AGBL1: variants seen among roughly 807,000 people sequenced by gnomAD.
The protein encoded by AGBL1 is cytosolic carboxypeptidase 4.
Under a neutral mutation model 118.9 loss-of-function variants are expected in AGBL1, and 130 were observed. The observed-to-expected ratio is 1.09, with a 90% CI of 0.95 to 1.26. The LOEUF (loss-of-function observed/expected upper bound fraction) is 1.26, where lower values mean the gene tolerates loss of function less well. Among genes scored for constraint, AGBL1 ranks in the 50% most tolerant of loss-of-function variants. The pLI is 0.00. For missense variants in AGBL1, 1,584 were observed against 1,298.1 expected, an observed-to-expected ratio of 1.22 and a Z score of -3.38; for synonymous variants, 555 against 478.9, an observed-to-expected ratio of 1.16 and a Z score of -2.08.
chr15:86,518,207 C>T (rs1476874127), intron 18 of AGBL1, among the ~76,000 whole-genome samples: 6 of 151,930 alleles, frequency 3.9e-5, no homozygotes, highest in African/African-American at 1.5e-4. Context: ...TCTGTCTCTG[C>T]TTGTGGTCCT....
At chr15:86,541,505 T>C in intron 19 of AGBL1, among the ~76,000 whole-genome samples, 1 of 145,762 alleles carries the variant, frequency 6.9e-6, no homozygotes, top group South Asian at 2.1e-4. Context: ...GGCAGGAAGA[T>C]AACCTGAGCC....
At chr15:86,634,447 C>G (rs1053998651) in intron 21 of AGBL1, among the ~76,000 whole-genome samples, 2 of 152,018 alleles carry the variant, frequency 1.3e-5, no homozygotes, top group Non-Finnish European at 2.9e-5. Flanking sequence ...GTGAAAGAAG[C>G]CCATCATGAA....
At chr15:86,121,896 T>C (rs761305351) in intron 1 of AGBL1, among the ~76,000 whole-genome samples, 5 of 152,154 alleles carry the variant, frequency 3.3e-5, no homozygotes, top group East Asian at 1.9e-4. Flanking sequence ...AAATTAGTTA[T>C]AAGATAAAAT....
At chr15:86,897,764 CT>C (rs71460231) in intron 22 of AGBL1, among the ~76,000 whole-genome samples, 5,829 of 80,494 alleles carry the variant, frequency 0.072, 34 homozygotes, top group East Asian at 0.18. Flanking sequence ...CATCTTTTAT[CT>C]TTTTTTTTTT....
At chr15:86,674,536 A>G (rs1366761433) in intron 22 of AGBL1, 100 bp downstream of exon 22, 11 of 1,223,770 alleles carry the variant, frequency 9.0e-6, no homozygotes, top group Middle Eastern at 2.9e-4. Context: ...GTCTTTACAC[A>G]GAGAAAATAT....
chr15:86,853,582 C>T (rs576648811), intron 22 of AGBL1, among the ~76,000 whole-genome samples: 19 of 152,262 alleles, frequency 1.2e-4, no homozygotes, highest in East Asian at 9.7e-4. Context: ...CACCAAAGCC[C>T]GGGCTCTACT....
chr15:86,080,227 T>C, intron 1 of AGBL1: 1 of 394,556 alleles, frequency 2.5e-6, no homozygotes, highest in Non-Finnish European at 4.4e-6. Flanking sequence ...TGTTGATGAT[T>C]GTTCTGCTTA....
intron 15 of AGBL1, among the ~76,000 whole-genome samples, chr15:86,271,931 A>C (rs1019494974): frequency 1.3e-5 from 2 of 152,248 alleles, no homozygotes; most frequent in Non-Finnish European, 2.9e-5. Flanking sequence ...GAAAGAGTTT[A>C]TCTTCATTTA....
At chr15:86,845,112 T>C (rs900900161) in intron 22 of AGBL1, among the ~76,000 whole-genome samples, 1 of 152,164 alleles carries the variant, frequency 6.6e-6, no homozygotes, top group African/African-American at 2.4e-5. Context: ...AAATTTTTTA[T>C]TCATAATAAT....
At chr15:86,533,991 T>G (rs1351346852) in intron 19 of AGBL1, among the ~76,000 whole-genome samples, 1 of 109,766 alleles carries the variant, frequency 9.1e-6, no homozygotes, top group Non-Finnish European at 1.8e-5. Flanking sequence ...AGGGGTAGCA[T>G]TGGGAGATAT....
intron 17 of AGBL1, among the ~76,000 whole-genome samples, chr15:86,385,263 C>A (rs184044665): frequency 6.6e-6 from 1 of 152,114 alleles, no homozygotes; most frequent in African/African-American, 2.4e-5. Context: ...ATTAATTTCA[C>A]CTTACATTGC....
At chr15:87,012,336 T>TGG (rs112465278) in intron 24 of AGBL1, among the ~76,000 whole-genome samples, 13 of 151,892 alleles carry the variant, frequency 8.6e-5, no homozygotes, top group African/African-American at 3.1e-4. Context: ...TCCATATTTT[T>TGG]GGGGGGGTAC....
chr15:86,794,476 C>T (rs374305258), intron 22 of AGBL1, among the ~76,000 whole-genome samples: 9 of 152,018 alleles, frequency 5.9e-5, no homozygotes, highest in Non-Finnish European at 7.4e-5. Context: ...GATTGCTTAA[C>T]GGGTACTGGG....
In AGBL1 at chr15:86,914,302, C is replaced by G. The variant is rs1291392009; in HGVS notation, c.*7008C>G. ...GAGGTATTAGAGGAGGAAAAATCTG[C>G]CTGTGTTTCTGCTCTGCTCAGACAA... On this transcript the variant is annotated 3_prime_UTR_variant, in exon 23 of 23. Transcript: ENST00000614907. 1 of 152,194 alleles carries G rather than the reference C, an allele frequency of 6.6e-6. No homozygotes were observed. The highest frequency in any genetic ancestry group is 1.9e-4 in the East Asian group (1 of 5,182). The allele number at this position is 152,194 out of a possible 1,614,324, so 9.4% of individuals were successfully genotyped here.
chr15:86,449,568 A>G (rs2082167765), intron 18 of AGBL1, among the ~76,000 whole-genome samples: 1 of 152,228 alleles, frequency 6.6e-6, no homozygotes, highest in African/African-American at 2.4e-5. Context: ...CTCTGTAAAA[A>G]TGTGGAGGAT....
intron 5 of AGBL1, among the ~76,000 whole-genome samples, chr15:86,199,359 A>C (rs1003409710): frequency 5.3e-5 from 8 of 152,212 alleles, no homozygotes; most frequent in African/African-American, 1.7e-4. Flanking sequence ...CTGCTATTCT[A>C]GAACTTCAGG....
At chr15:86,254,165 C>T (rs948318036) in intron 7 of AGBL1, among the ~76,000 whole-genome samples, 2 of 152,202 alleles carry the variant, frequency 1.3e-5, no homozygotes, top group African/African-American at 4.8e-5. Flanking sequence ...AGCAGTGACT[C>T]CTAGTATTCT....
chr15:86,245,710 A>G (rs1333736200), intron 6 of AGBL1, among the ~76,000 whole-genome samples: 2 of 152,174 alleles, frequency 1.3e-5, no homozygotes, highest in Non-Finnish European at 2.9e-5. Context: ...CAAGGAGTTG[A>G]AAAGGTCCCT....
chr15:86,149,249 A>T (rs1290907472), intron 3 of AGBL1, among the ~76,000 whole-genome samples: 4 of 152,218 alleles, frequency 2.6e-5, no homozygotes, highest in Non-Finnish European at 4.4e-5. Context: ...CTGACATGAT[A>T]ACGACAGGAT....
Sources: allele counts gnomAD v4.1 joint callset (sites outside exome capture counted in the v4.1 genomes callset), GRCh38; gene constraint gnomAD v4.1.1; transcripts MANE v1.5; gene names NCBI Gene and HGNC (gene_info 2026-07-23, HGNC 2026-07-21).